DCLK1: variants seen among roughly 807,000 people sequenced by gnomAD.
DCLK1 encodes the protein serine/threonine-protein kinase DCLK1.
Under a neutral mutation model 86.2 loss-of-function variants are expected in DCLK1, and 16 were observed. That is an observed-to-expected ratio of 0.19 (90% CI 0.13 to 0.28). The LOEUF (loss-of-function observed/expected upper bound fraction) is 0.28, where lower values mean the gene tolerates loss of function less well. Ranked by LOEUF, DCLK1 falls within the 10% of genes least tolerant of loss-of-function variation. The pLI, the probability that DCLK1 is intolerant of heterozygous loss-of-function variation, is 1.00. For synonymous variants in DCLK1, 369 were observed against 370.5 expected, an observed-to-expected ratio of 1.00 and a Z score of 0.05; for missense variants, 590 against 940.2, an observed-to-expected ratio of 0.63 and a Z score of 4.87.
chr13:35,932,437 A>G (rs932084421), intron 4 of DCLK1, among the ~76,000 whole-genome samples: 9 of 152,330 alleles, frequency 5.9e-5, no homozygotes, highest in African/African-American at 2.2e-4. Flanking sequence ...TATGTGTATT[A>G]GTCCATGTTC....
At chr13:35,872,983 G>A (rs1002694262) in intron 4 of DCLK1, among the ~76,000 whole-genome samples, 2 of 152,076 alleles carry the variant, frequency 1.3e-5, no homozygotes, top group African/African-American at 4.8e-5. Context: ...ATCATATTTT[G>A]TAATATGTTT....
intron 3 of DCLK1, among the ~76,000 whole-genome samples, chr13:35,966,041 A>T (rs1397953555): frequency 2.6e-5 from 4 of 152,176 alleles, no homozygotes; most frequent in Non-Finnish European, 4.4e-5. Context: ...ACATGAAAAA[A>T]CTTTTTTGAA....
At chr13:35,800,381 G>T (rs2086894727) in intron 15 of DCLK1, among the ~76,000 whole-genome samples, 1 of 152,208 alleles carries the variant, frequency 6.6e-6, no homozygotes, top group Non-Finnish European at 1.5e-5. Context: ...CTTGCCCAAG[G>T]TCACACAGGT....
chr13:35,811,045 T>C (rs2087130552), intron 11 of DCLK1, 77 bp from the exon 12 acceptor site: 1 of 1,579,728 alleles, frequency 6.3e-7, no homozygotes, highest in Non-Finnish European at 8.6e-7. Flanking sequence ...TGAGGAACAC[T>C]GTGTTTAAAT....
intron 8 of DCLK1, among the ~76,000 whole-genome samples, chr13:35,832,299 C>T (rs1869022534): frequency 6.6e-6 from 1 of 151,844 alleles, no homozygotes; most frequent in Non-Finnish European, 1.5e-5. Context: ...GACCCTGTGT[C>T]AAAAAAAGGT....
intron 3 of DCLK1, among the ~76,000 whole-genome samples, chr13:36,048,042 T>C (rs1882986367): frequency 6.6e-6 from 1 of 152,182 alleles, no homozygotes; most frequent in Non-Finnish European, 1.5e-5. Context: ...AAATATGATA[T>C]GGGTGTAAAG....
At chr13:35,844,949 A>G (rs1179795614) in intron 6 of DCLK1, among the ~76,000 whole-genome samples, 3 of 152,242 alleles carry the variant, frequency 2.0e-5, no homozygotes, top group African/African-American at 7.2e-5. Flanking sequence ...GGTAATTGCA[A>G]TATAAAATAT....
intron 4 of DCLK1, among the ~76,000 whole-genome samples, chr13:35,914,331 AAATAT>A (rs1346000609): frequency 0.019 from 244 of 12,634 alleles, 2 homozygotes; most frequent in Non-Finnish European, 0.032. Context: ...GAAAAAAAAA[AAATAT>A]ATATATATAT....
At chr13:35,888,283 C>A (rs187373871) in intron 4 of DCLK1, among the ~76,000 whole-genome samples, 6 of 152,196 alleles carry the variant, frequency 3.9e-5, no homozygotes, top group Non-Finnish European at 1.5e-5. Context: ...AACAATTTAT[C>A]TATTTTCCCT....
chr13:35,784,085 C>A (rs2086577123), intron 16 of DCLK1, among the ~76,000 whole-genome samples: 1 of 152,158 alleles, frequency 6.6e-6, no homozygotes, highest in African/African-American at 2.4e-5. Flanking sequence ...AAGGAGCATT[C>A]ACAAAGTATG....
At chr13:35,948,677 T>C (rs567002511) in intron 3 of DCLK1, among the ~76,000 whole-genome samples, 3 of 152,350 alleles carry the variant, frequency 2.0e-5, no homozygotes, top group South Asian at 2.1e-4. Context: ...AAATAATCAC[T>C]TGGCCGAAGT....
intron 3 of DCLK1, among the ~76,000 whole-genome samples, chr13:36,027,873 A>G (rs1008714742): frequency 3.3e-5 from 5 of 152,212 alleles, no homozygotes; most frequent in Non-Finnish European, 5.9e-5. Context: ...GTGGGACTAT[A>G]GGTGCATGGC....
chr13:35,923,626 T>G (rs1001782307), intron 4 of DCLK1, among the ~76,000 whole-genome samples: 37 of 152,070 alleles, frequency 2.4e-4, no homozygotes, highest in African/African-American at 8.7e-4. Flanking sequence ...AGTGAGTCAC[T>G]GTCTGTGAGC....
intron 10 of DCLK1, among the ~76,000 whole-genome samples, chr13:35,823,855 G>A (rs1286704135): frequency 1.3e-5 from 2 of 152,182 alleles, no homozygotes; most frequent in African/African-American, 2.4e-5. Context: ...TCTGCCTCTC[G>A]GGCCTGGGCC....
chr13:35,828,207 C>G, intron 9 of DCLK1, 43 bp downstream of exon 9: 1 of 1,500,034 alleles, frequency 6.7e-7, no homozygotes, highest in Non-Finnish European at 9.2e-7. Context: ...TTCTTTTGAC[C>G]TCTTGAACAC....
chr13:35,775,495 T>A (rs1297575394), intron 16 of DCLK1, among the ~76,000 whole-genome samples: 1 of 152,154 alleles, frequency 6.6e-6, no homozygotes, highest in African/African-American at 2.4e-5. Flanking sequence ...TAGCTCTGGA[T>A]GTTATCATGA....
At chr13:35,848,234 C>A in intron 6 of DCLK1, 2 of 985,048 alleles carry the variant, frequency 2.0e-6, no homozygotes, top group Non-Finnish European at 2.4e-6. Context: ...ATAAAGAATT[C>A]TATAAGTAAC....
intron 4 of DCLK1, among the ~76,000 whole-genome samples, chr13:35,904,396 T>C (rs892212019): frequency 1.8e-4 from 27 of 152,286 alleles, no homozygotes; most frequent in African/African-American, 6.0e-4. Context: ...TTCACCGTGT[T>C]GGCCAGGCTG....
In DCLK1 at chr13:35,810,818, A is replaced by G. The variant is rs763097971; in HGVS notation, c.1688+17T>C. ...TCTTTTGCAAGCATAGCACTTAAAC[A>G]TAAGAGAAGCATTTACCCAGTCTCT... On this transcript the variant is annotated intron_variant, in intron 12 of 16. Coordinates refer to ENST00000360631, the MANE Select transcript of DCLK1 (RefSeq NM_001330071.2). The G allele has an allele frequency of 9.9e-6, 16 of 1,612,376 alleles. No homozygotes were observed. Among genetic ancestry groups the G allele is most frequent in the Admixed American group, 8.4e-5 (5 of 59,754 alleles).
Sources: gnomAD v4.1 joint callset for allele counts (sites outside exome capture counted in the v4.1 genomes callset) on GRCh38, gnomAD v4.1.1 for gene constraint, MANE v1.5 for transcripts, NCBI Gene and HGNC (gene_info 2026-07-23, HGNC 2026-07-21) for gene names.